Variants in ZMAT4 observed in about 807,000 individuals in gnomAD.
The protein encoded by ZMAT4 is zinc finger matrin-type protein 4.
A neutral mutation model predicts 28.7 loss-of-function variants in ZMAT4; 17 were observed. The ratio of observed to expected loss-of-function variants is 0.59; its 90% CI spans 0.41 to 0.89. The LOEUF (loss-of-function observed/expected upper bound fraction) is 0.89. Among genes scored for constraint, ZMAT4 ranks in the 40% least tolerant of loss-of-function variants. The pLI, the probability that ZMAT4 is intolerant of heterozygous loss-of-function variation, is 0.00. For synonymous variants in ZMAT4, 117 were observed against 109.2 expected (o/e 1.07, Z -0.44); for missense variants, 240 against 283.8 (o/e 0.85, Z 1.11).
At chr8:40,794,684 G>A (rs554491812) in intron 2 of ZMAT4, among the ~76,000 whole-genome samples, 3 of 152,236 alleles carry the variant, frequency 2.0e-5, no homozygotes, top group East Asian at 3.9e-4. Flanking sequence ...ACACAGTCCC[G>A]CTGCCTTTCT....
chr8:40,702,950 T>A (rs985146366), intron 3 of ZMAT4, among the ~76,000 whole-genome samples: 5 of 152,080 alleles, frequency 3.3e-5, no homozygotes, highest in African/African-American at 7.2e-5. Context: ...ATTCCAGAGA[T>A]AACAATCGAT....
At chr8:40,742,201 T>G (rs1812039020) in intron 3 of ZMAT4, among the ~76,000 whole-genome samples, 1 of 151,950 alleles carries the variant, frequency 6.6e-6, no homozygotes, top group African/African-American at 2.4e-5. Flanking sequence ...TGAGCCGTGA[T>G]CATACCACCG....
At position 40,532,148 on chromosome 8, in the gene ZMAT4, C is replaced by T; in HGVS notation, c.*75G>A. 2 of 1,424,902 alleles carry T rather than the reference C, an allele frequency of 1.4e-6. No homozygotes were observed. The highest frequency in any genetic ancestry group is 1.9e-6 in the Non-Finnish European group (2 of 1,053,436). 88.3% of individuals were successfully genotyped at this position (1,424,902 alleles called of 1,614,324 possible). A position where few individuals can be genotyped will look rare whatever the true frequency, so the allele number is the denominator to read the frequency against. On this transcript the variant is annotated 3_prime_UTR_variant, in exon 7 of 7. Coordinates refer to ENST00000297737, the MANE Select transcript of ZMAT4 (RefSeq NM_024645.3). Reference sequence around the variant, plus strand: ...TTATTGTTCAAGAAAGAAGCCTCCTCTGGTGGTTGATAAGCAATTCTCCAC... The same window carrying T: ...TTATTGTTCAAGAAAGAAGCCTCCTTTGGTGGTTGATAAGCAATTCTCCAC...
chr8:40,597,963 A>G (rs983987594), intron 5 of ZMAT4, among the ~76,000 whole-genome samples: 1 of 152,222 alleles, frequency 6.6e-6, no homozygotes, highest in East Asian at 1.9e-4. Flanking sequence ...GAGTAACTAT[A>G]ATGTGTCTCT....
chr8:40,782,813 G>A (rs899488634), intron 2 of ZMAT4, among the ~76,000 whole-genome samples: 2 of 152,130 alleles, frequency 1.3e-5, no homozygotes, highest in African/African-American at 2.4e-5. Flanking sequence ...CACCATCACT[G>A]GTCATTGGTA....
At chr8:40,748,909 CCATG>C (rs1250216310) in intron 3 of ZMAT4, among the ~76,000 whole-genome samples, 5 of 151,978 alleles carry the variant, frequency 3.3e-5, no homozygotes, top group African/African-American at 4.8e-5. Context: ...CCCACAATTC[CCATG>C]CATTGTGGGA....
At chr8:40,654,018 C>A (rs1409960831) in intron 5 of ZMAT4, among the ~76,000 whole-genome samples, 3 of 152,146 alleles carry the variant, frequency 2.0e-5, no homozygotes, top group African/African-American at 7.2e-5. Context: ...TCCACCAGAA[C>A]CAAATTCAAA....
rs906526558 is a variant in ZMAT4 at position 40,601,469 on chromosome 8, G to A, written c.578-20208C>T. On this transcript the variant is annotated intron_variant, in intron 5 of 6. Transcript: ENST00000297737. ...GGAAGGAAGGAAGGGAGGAAGAAAG[G>A]AAAGAAAGAAAGAAAGAAAGAAAGA... Among the ~76,000 whole-genome samples the A allele has an allele frequency of 4.2e-3, 29 of 6,950 alleles. 1 individual carries two copies. The highest frequency in any genetic ancestry group is 5.7e-3 in the South Asian group (1 of 174). 4.6% of individuals were successfully genotyped at this position (6,950 alleles called of 152,430 possible). A position where few individuals can be genotyped will look rare whatever the true frequency, so the allele number is the denominator to read the frequency against.
At chr8:40,639,177 C>A (rs547716069) in intron 5 of ZMAT4, among the ~76,000 whole-genome samples, 26 of 152,330 alleles carry the variant, frequency 1.7e-4, no homozygotes, top group African/African-American at 6.0e-4. Flanking sequence ...AGAAGGAATT[C>A]TTGCATTCAG....
chr8:40,774,429 T>C (rs1813505779), intron 2 of ZMAT4, among the ~76,000 whole-genome samples: 1 of 152,104 alleles, frequency 6.6e-6, no homozygotes, highest in Non-Finnish European at 1.5e-5. Flanking sequence ...GGCATGTAAA[T>C]TGATACAAGC....
At chr8:40,559,732 TACAC>T (rs758667948) in intron 6 of ZMAT4, among the ~76,000 whole-genome samples, 17 of 152,018 alleles carry the variant, frequency 1.1e-4, no homozygotes, top group South Asian at 1.0e-3. Flanking sequence ...CACACACAAA[TACAC>T]ACAACCACAC....
intron 1 of ZMAT4, among the ~76,000 whole-genome samples, chr8:40,846,828 A>AT (rs1473587353): frequency 2.6e-5 from 4 of 152,146 alleles, no homozygotes; most frequent in African/African-American, 9.7e-5. Flanking sequence ...GTAGGTCATC[A>AT]TTTTATAGGG....
intron 1 of ZMAT4, among the ~76,000 whole-genome samples, chr8:40,827,003 A>T (rs1816078437): frequency 6.6e-6 from 1 of 152,216 alleles, no homozygotes; most frequent in Admixed American, 6.5e-5. Flanking sequence ...AATCTCAGAC[A>T]ACAGCAATAT....
intron 1 of ZMAT4, among the ~76,000 whole-genome samples, chr8:40,838,073 G>A (rs1447616067): frequency 3.3e-5 from 5 of 152,324 alleles, no homozygotes; most frequent in South Asian, 4.1e-4. Context: ...TTGTCACCTC[G>A]CCAGAGATGA....
intron 1 of ZMAT4, among the ~76,000 whole-genome samples, chr8:40,841,582 C>T (rs923959629): frequency 1.3e-5 from 2 of 152,194 alleles, no homozygotes; most frequent in East Asian, 1.9e-4. Context: ...TAGGTGTGCA[C>T]GCCCGACAGG....
chr8:40,610,218 G>C (rs755527285), intron 5 of ZMAT4, among the ~76,000 whole-genome samples: 3 of 152,124 alleles, frequency 2.0e-5, no homozygotes, highest in Non-Finnish European at 4.4e-5. Context: ...ATACATCCAG[G>C]AAATAGATAA....
intron 1 of ZMAT4, among the ~76,000 whole-genome samples, chr8:40,842,817 C>T (rs1269318228): frequency 6.6e-6 from 1 of 152,134 alleles, no homozygotes; most frequent in Admixed American, 6.6e-5. Flanking sequence ...CTCTTGTTGC[C>T]AAGGCTGGAG....
At chr8:40,836,916 A>T (rs1362343900) in intron 1 of ZMAT4, among the ~76,000 whole-genome samples, 1 of 152,238 alleles carries the variant, frequency 6.6e-6, no homozygotes, top group East Asian at 1.9e-4. Context: ...TGATCGGTAG[A>T]TAAATAGATA....
chr8:40,533,197 ACC>A (rs1802748708), intron 6 of ZMAT4, among the ~76,000 whole-genome samples: 1 of 152,118 alleles, frequency 6.6e-6, no homozygotes, highest in South Asian at 2.1e-4. Context: ...TGCCATTTCC[ACC>A]CCTTTTAAAG....
Sources: gnomAD v4.1 joint callset for allele counts (sites outside exome capture counted in the v4.1 genomes callset) on GRCh38, gnomAD v4.1.1 for gene constraint, MANE v1.5 for transcripts, NCBI Gene and HGNC (gene_info 2026-07-23, HGNC 2026-07-21) for gene names.